SLC25A21: variants seen among roughly 807,000 people sequenced by gnomAD.
SLC25A21 encodes the protein mitochondrial 2-oxodicarboxylate carrier.
In SLC25A21, 47 loss-of-function variants were observed where a neutral mutation model predicts 43.8. The observed-to-expected ratio is 1.07, with a 90% confidence interval of 0.85 to 1.37. The LOEUF (loss-of-function observed/expected upper bound fraction) is 1.37. Ranked by LOEUF, SLC25A21 falls within the 40% of genes most tolerant of loss-of-function variation. SLC25A21 has a pLI of 0.00. For synonymous variants in SLC25A21, 131 were observed against 121.3 expected, an observed-to-expected ratio of 1.08 and a Z score of -0.52; for missense variants, 352 against 350.2, an observed-to-expected ratio of 1.00 and a Z score of -0.04.
chr14:36,775,939 A>T (rs575352105), intron 3 of SLC25A21, among the ~76,000 whole-genome samples: 5 of 152,210 alleles, frequency 3.3e-5, no homozygotes, highest in Non-Finnish European at 5.9e-5. Context: ...TGGACATTGG[A>T]TCACCTGGAA....
intron 1 of SLC25A21, among the ~76,000 whole-genome samples, chr14:36,963,750 G>A (rs1594723164): frequency 6.6e-6 from 1 of 152,258 alleles, no homozygotes; most frequent in Non-Finnish European, 1.5e-5. Flanking sequence ...AGTGCCAGGA[G>A]TACCCAGTGA....
intron 1 of SLC25A21, among the ~76,000 whole-genome samples, chr14:36,918,120 A>G (rs1024662911): frequency 6.6e-6 from 1 of 152,166 alleles, no homozygotes; most frequent in Non-Finnish European, 1.5e-5. Flanking sequence ...AAAGGAATAT[A>G]AAATGGAAAC....
chr14:36,700,795 G>C (rs1226874902), intron 7 of SLC25A21, among the ~76,000 whole-genome samples: 2 of 152,134 alleles, frequency 1.3e-5, no homozygotes, highest in Non-Finnish European at 2.9e-5. Flanking sequence ...AAGAACCAAG[G>C]TTTCAGAAGC....
intron 3 of SLC25A21, among the ~76,000 whole-genome samples, chr14:36,774,553 A>C: frequency 6.6e-6 from 1 of 152,162 alleles, no homozygotes; most frequent in African/African-American, 2.4e-5. Context: ...CATCTTATTA[A>C]CACAGGTTGA....
intron 3 of SLC25A21, among the ~76,000 whole-genome samples, chr14:36,811,477 C>T (rs1466492640): frequency 6.6e-6 from 1 of 151,910 alleles, no homozygotes; most frequent in African/African-American, 2.4e-5. Context: ...ACGGTGAGGC[C>T]CCGTCTCTAC....
chr14:36,838,632 G>T (rs1471345718), intron 2 of SLC25A21, among the ~76,000 whole-genome samples: 1 of 152,182 alleles, frequency 6.6e-6, no homozygotes, highest in African/African-American at 2.4e-5. Flanking sequence ...AGGAAAAAGT[G>T]AATTTTGTGG....
chr14:37,059,666 C>T (rs1246922168), intron 1 of SLC25A21, among the ~76,000 whole-genome samples: 3 of 152,066 alleles, frequency 2.0e-5, no homozygotes, highest in African/African-American at 7.2e-5. Flanking sequence ...GAGAAAAATG[C>T]CCACAAAGGC....
intron 3 of SLC25A21, among the ~76,000 whole-genome samples, chr14:36,765,826 G>A (rs1179300269): frequency 6.6e-6 from 1 of 152,048 alleles, no homozygotes; most frequent in African/African-American, 2.4e-5. Flanking sequence ...CCATACAGAT[G>A]GCAATACATG....
chr14:36,976,798 C>A (rs74045219), intron 1 of SLC25A21, among the ~76,000 whole-genome samples: 3,695 of 152,270 alleles, frequency 0.024, 134 homozygotes, highest in African/African-American at 0.079. Context: ...TCTTGCTTTG[C>A]GGCCACAACT....
At chr14:37,056,418 G>T (rs901069221) in intron 1 of SLC25A21, among the ~76,000 whole-genome samples, 13 of 151,554 alleles carry the variant, frequency 8.6e-5, no homozygotes, top group African/African-American at 3.2e-4. Flanking sequence ...TGAACCCCGG[G>T]GGGCGGAGTG....
intron 3 of SLC25A21, among the ~76,000 whole-genome samples, chr14:36,795,810 G>A (rs1001942795): frequency 2.0e-5 from 3 of 152,158 alleles, no homozygotes; most frequent in African/African-American, 7.2e-5. Context: ...CCCATAGTAC[G>A]AATTGGAGAA....
At position 36,679,570 on chromosome 14, in the gene SLC25A21, T is replaced by G; in HGVS notation, c.*1088A>C. On this transcript the variant is annotated 3_prime_UTR_variant, in exon 10 of 10. Coordinates refer to ENST00000331299, the MANE Select transcript of SLC25A21 (RefSeq NM_030631.4). ...AAGGAGATATTTTTGTTGATACATG[T>G]TAGTATAGTAATCCTTAGAAATGCT... 1.0e-6 allele frequency: 1 copy of G among 985,402 alleles called. No homozygotes were observed. 61.0% of individuals were successfully genotyped at this position (985,402 alleles called of 1,614,324 possible).
At chr14:36,726,334 G>A (rs1364194586) in intron 5 of SLC25A21, among the ~76,000 whole-genome samples, 1 of 152,162 alleles carries the variant, frequency 6.6e-6, no homozygotes, top group Non-Finnish European at 1.5e-5. Flanking sequence ...CTCGGCAGCT[G>A]AAGTGGGAGG....
intron 3 of SLC25A21, among the ~76,000 whole-genome samples, chr14:36,811,413 G>A (rs545297815): frequency 3.3e-5 from 5 of 152,244 alleles, no homozygotes; most frequent in African/African-American, 1.2e-4. Context: ...CACTTTGGGA[G>A]GCCGAGGAGG....
At chr14:37,143,193 T>C (rs1282716000) in intron 1 of SLC25A21, among the ~76,000 whole-genome samples, 1 of 152,220 alleles carries the variant, frequency 6.6e-6, no homozygotes, top group Non-Finnish European at 1.5e-5. Flanking sequence ...TAAAAAAGTT[T>C]GGACAAAAAG....
At chr14:36,798,380 T>C (rs1398763338) in intron 3 of SLC25A21, among the ~76,000 whole-genome samples, 7 of 152,162 alleles carry the variant, frequency 4.6e-5, no homozygotes, top group East Asian at 1.9e-4. Flanking sequence ...AAGAAACCTG[T>C]AGGTATTGGA....
intron 7 of SLC25A21, among the ~76,000 whole-genome samples, chr14:36,702,556 T>C (rs906476815): frequency 6.7e-6 from 1 of 148,188 alleles, no homozygotes; most frequent in Non-Finnish European, 1.5e-5. Context: ...CCCTGCCCCA[T>C]CATGGGTCTA....
Position 37,154,486 on chromosome 14 carries a change from C to T in SLC25A21, c.70+17795G>A, listed in dbSNP as rs182334201. Among the ~76,000 whole-genome samples the T allele has an allele frequency of 2.2e-3, 339 of 152,206 alleles. 1 individual carries two copies. Among genetic ancestry groups the T allele is most frequent in the African/African-American group, 7.5e-3 (310 of 41,508 alleles). On this transcript the variant is annotated intron_variant, in intron 1 of 9. Coordinates refer to ENST00000331299, the MANE Select transcript of SLC25A21 (RefSeq NM_030631.4). ...AAAAAAAAATCAATGAAATATGACT[C>T]TCCAAAGGAACACAACAATTCTCCA...
intron 2 of SLC25A21, among the ~76,000 whole-genome samples, chr14:36,824,513 G>C (rs1888751540): frequency 6.6e-6 from 1 of 152,064 alleles, no homozygotes; most frequent in African/African-American, 2.4e-5. Context: ...TCAATGTTGA[G>C]AGCATTGTAA....
Sources: allele counts gnomAD v4.1 joint callset (sites outside exome capture counted in the v4.1 genomes callset), GRCh38; gene constraint gnomAD v4.1.1; transcripts MANE v1.5; gene names NCBI Gene and HGNC (gene_info 2026-07-23, HGNC 2026-07-21).